ACTN4: variants seen among roughly 807,000 people sequenced by gnomAD.
The protein encoded by ACTN4 is alpha-actinin-4.
ACTN4 carries 18 observed loss-of-function variants against 114.2 expected under a neutral mutation model. The ratio of observed to expected loss-of-function variants is 0.16; its 90% confidence interval spans 0.11 to 0.23. ACTN4 has a LOEUF of 0.23. Ranked by LOEUF, ACTN4 falls within the 10% of genes least tolerant of loss-of-function variation. ACTN4 has a pLI of 1.00. For synonymous variants in ACTN4, 515 were observed against 506.3 expected (o/e 1.02, Z -0.23); for missense variants, 722 against 1,262.9 (o/e 0.57, Z 6.49).
intron 4 of ACTN4, 99 bp downstream of exon 4, chr19:38,705,119 C>A: frequency 8.4e-7 from 1 of 1,185,666 alleles, no homozygotes; most frequent in Non-Finnish European, 1.3e-6. Flanking sequence ...CTTCCTGTTT[C>A]CTTGGGGTCA....
In ACTN4 at chr19:38,727,001, C is replaced by T. The variant is rs375026514; in HGVS notation, c.2235C>T (p.Arg745=). ...GWEQLLTTIA[R]TINEVENQIL... ...AGCAGCTGCTCACCACCATTGCCCG[C>T]ACCATCAACGAGGTGGAGAACCAGA... The change falls in exon 18 of 21, where the codon CGC becomes CGT. Residue 745 remains arginine (R), a synonymous_variant. Transcript: ENST00000252699. This position sits in a 1 kb window ranked among gnomAD's most constrained non-coding sequence, Gnocchi z 5.4. 6.8e-6 allele frequency: 11 copies of T among 1,614,026 alleles called. No homozygotes were observed. Among genetic ancestry groups the T allele is most frequent in the African/African-American group, 5.3e-5 (4 of 74,940 alleles).
intron 1 of ACTN4, among the ~76,000 whole-genome samples, chr19:38,699,276 C>A (rs973072715): frequency 1.3e-5 from 2 of 152,202 alleles, no homozygotes; most frequent in Non-Finnish European, 2.9e-5. Flanking sequence ...CTTGGGTGTA[C>A]CCATGCCCTG....
At chr19:38,663,087 T>G (rs1330418923) in intron 1 of ACTN4, among the ~76,000 whole-genome samples, 1 of 152,114 alleles carries the variant, frequency 6.6e-6, no homozygotes, top group Non-Finnish European at 1.5e-5. Context: ...TTTTTTGTAT[T>G]TTTAGTAGAG....
At chr19:38,705,725 T>G (rs539035435) in intron 4 of ACTN4, among the ~76,000 whole-genome samples, 58 of 152,340 alleles carry the variant, frequency 3.8e-4, no homozygotes, top group African/African-American at 1.3e-3. Context: ...AGGCACAGGC[T>G]TGGTGGCCAG....
chr19:38,677,681 C>G (rs1967423553), intron 1 of ACTN4, among the ~76,000 whole-genome samples: 1 of 152,166 alleles, frequency 6.6e-6, no homozygotes, highest in Non-Finnish European at 1.5e-5. Flanking sequence ...GCCAGCTGTC[C>G]TGAGTTCTGC....
intron 1 of ACTN4, among the ~76,000 whole-genome samples, chr19:38,698,955 TCCTCCGCATGG>T (rs1205247168): frequency 1.3e-5 from 2 of 152,204 alleles, no homozygotes; most frequent in Non-Finnish European, 2.9e-5. Context: ...AAGCCCCTTG[TCCTCCGCATGG>T]CCTCCGCCTG....
At position 38,727,224 on chromosome 19, in the gene ACTN4, CCAGGGCCAG is replaced by C; in HGVS notation, c.2337+129_2337+137del. ...AGTTGCTGAGCGTCGGCCGCCACTC[CCAGGGCCAG>C]CAGGGCCCTGCCACTGTCAGGGTGT... is the stretch of plus-strand genomic sequence containing the variant. On this transcript the variant is annotated intron_variant, in intron 18 of 20. Transcript: ENST00000252699. The surrounding 1 kb of genome is among the most constrained non-coding windows in gnomAD (Gnocchi z 5.4). 1 of 1,476,854 alleles carries C rather than the reference CCAGGGCCAG, an allele frequency of 6.8e-7. No homozygotes were observed. The highest frequency in any genetic ancestry group is 9.3e-7 in the Non-Finnish European group (1 of 1,080,172). 91.5% of individuals were successfully genotyped at this position (1,476,854 alleles called of 1,614,324 possible). A position where few individuals can be genotyped will look rare whatever the true frequency, so the allele number is the denominator to read the frequency against.
chr19:38,654,867 G>A (rs980348150), intron 1 of ACTN4, among the ~76,000 whole-genome samples: 2 of 152,196 alleles, frequency 1.3e-5, no homozygotes, highest in Non-Finnish European at 2.9e-5. Flanking sequence ...TACTCTGGAA[G>A]AGGTCAGTGG....
In ACTN4 at chr19:38,717,051, C is replaced by T. The variant is rs764202475; in HGVS notation, c.913-35C>T. 1 of 1,592,766 alleles carries T rather than the reference C, an allele frequency of 6.3e-7. No individual in the cohort carries two copies. The highest frequency in any genetic ancestry group is 1.1e-5 in the South Asian group (1 of 88,636). On this transcript the variant is annotated intron_variant, in intron 9 of 20. Coordinates refer to ENST00000252699, the MANE Select transcript of ACTN4 (RefSeq NM_004924.6). The surrounding 1 kb of genome is among the most constrained non-coding windows in gnomAD (Gnocchi z 4.0). ...CAGCCCGTCAGCACTCTGAGGGTCC[C>T]CCACAAAGGCCACGCTGGCTTCTGT...
intron 11 of ACTN4, among the ~76,000 whole-genome samples, chr19:38,718,647 A>C (rs12978715): frequency 0.057 from 8,603 of 152,156 alleles, 260 homozygotes; most frequent in South Asian, 0.097. Flanking sequence ...CAGAGGTGGG[A>C]CCCTGTCAGT....
chr19:38,717,244 C>T lies in ACTN4; in HGVS notation c.1071C>T (p.Phe357=). ...AGAAGTGCCAGCTGGAGATCAACTT[C>T]AACACGCTGCAGACCAAGCTGCGCC... is the stretch of plus-strand genomic sequence containing the variant. ...VQEKCQLEIN[F]NTLQTKLRLS... The change falls in exon 10 of 21, where the codon TTC becomes TTT. Residue 357 remains phenylalanine (F), a synonymous_variant. Coordinates refer to ENST00000252699, the MANE Select transcript of ACTN4 (RefSeq NM_004924.6). The surrounding 1 kb of genome is among the most constrained non-coding windows in gnomAD (Gnocchi z 4.0). The T allele has an allele frequency of 6.2e-7, 1 of 1,614,200 alleles. No homozygotes were observed. Among genetic ancestry groups the T allele is most frequent in the Middle Eastern group, 1.6e-4 (1 of 6,062 alleles).
chr19:38,655,293 T>C lies in ACTN4; in HGVS notation c.162+7386T>C, dbSNP rs1976681285. Among the ~76,000 whole-genome samples the C allele has an allele frequency of 2.0e-5, 3 of 152,198 alleles. No homozygotes were observed. The South Asian group carries it at 6.2e-4, about 31-fold the overall frequency. On this transcript the variant is annotated intron_variant, in intron 1 of 20. Transcript: ENST00000252699. The stretch of plus-strand genomic sequence containing the variant: ...GTTTCCAGGTGGTTACCACTCGGGC[T>C]GAAGGCCCCCCAGGCTTGAGGCCTG...
chr19:38,710,268 A>G lies in ACTN4; in HGVS notation c.745A>G (p.Thr249Ala). Residue 249 changes from threonine (T) to alanine (A), a missense_variant, in exon 8 of 21, where the codon ACG (threonine) becomes GCG (alanine). Around this residue, in one of 3 missense-constraint regions of ACTN4, gnomAD observed 127 missense variants for 311.3 expected, o/e 0.41. Transcript: ENST00000252699. ...TTGTTCACTTGCAGACATCGTGAAC[A>G]CGGCCCGGCCCGACGAGAAGGCCAT... ...KMLDAEDIVN[T>A]ARPDEKAIMT... The G allele has an allele frequency of 1.2e-6, 2 of 1,614,134 alleles. No homozygotes were observed. Among genetic ancestry groups the G allele is most frequent in the Admixed American group, 1.7e-5 (1 of 60,032 alleles).
At chr19:38,718,983 C>G (rs1968941657) in intron 11 of ACTN4, among the ~76,000 whole-genome samples, 1 of 152,222 alleles carries the variant, frequency 6.6e-6, no homozygotes, top group Non-Finnish European at 1.5e-5. Flanking sequence ...CATGGCCCAC[C>G]TGTGAGCTCC....
At position 38,724,127 on chromosome 19, in the gene ACTN4, G is replaced by C; in HGVS notation, c.1693-30G>C. Reference sequence around the variant, plus strand: ...TTCCCAAGAGCCTCTGTGGGGCTGGGCCGCCCCCTCACTCCAGCTCCTCCC... The same window carrying C: ...TTCCCAAGAGCCTCTGTGGGGCTGGCCCGCCCCCTCACTCCAGCTCCTCCC... On this transcript the variant is annotated intron_variant, in intron 14 of 20. Coordinates refer to ENST00000252699, the MANE Select transcript of ACTN4 (RefSeq NM_004924.6). This position sits in a 1 kb window ranked among gnomAD's most constrained non-coding sequence, Gnocchi z 7.0. 1 of 1,613,612 alleles carries C rather than the reference G, an allele frequency of 6.2e-7. No individual in the cohort carries two copies. Among genetic ancestry groups the C allele is most frequent in the Non-Finnish European group, 8.5e-7 (1 of 1,179,984 alleles).
chr19:38,664,488 A>G (rs571593291), intron 1 of ACTN4, among the ~76,000 whole-genome samples: 1 of 152,184 alleles, frequency 6.6e-6, no homozygotes, highest in South Asian at 2.1e-4. Context: ...GACAGCTGTA[A>G]TATAGCTCAG....
At chr19:38,697,964 G>T (rs1275750072) in intron 1 of ACTN4, among the ~76,000 whole-genome samples, 1 of 152,234 alleles carries the variant, frequency 6.6e-6, no homozygotes, top group East Asian at 1.9e-4. Context: ...GGCTGTAAAG[G>T]TGCAGGCGCC....
intron 9 of ACTN4, among the ~76,000 whole-genome samples, chr19:38,715,895 C>T (rs774833931): frequency 2.2e-4 from 33 of 152,086 alleles, no homozygotes; most frequent in Non-Finnish European, 4.1e-4. Context: ...TTTTGTACTT[C>T]TAGAATTGTT....
intron 1 of ACTN4, among the ~76,000 whole-genome samples, chr19:38,664,347 C>T (rs2144859480): frequency 6.6e-6 from 1 of 152,132 alleles, no homozygotes; most frequent in East Asian, 1.9e-4. Context: ...ACCGCAGTGT[C>T]CTTGATATTG....
Sources: gnomAD v4.1 joint callset for allele counts (sites outside exome capture counted in the v4.1 genomes callset) on GRCh38, gnomAD v4.1.1 for gene constraint, gnomAD v4.1.1 regional missense constraint, Gnocchi (gnomAD v3.1) non-coding constraint, MANE v1.5 for transcripts, NCBI Gene and HGNC (gene_info 2026-07-23, HGNC 2026-07-21) for gene names.